The following H3-3B variants were observed in gnomAD, a reference collection of about 807,000 sequenced individuals.
H3-3B encodes histone H3.3.
Under a neutral mutation model 13.1 loss-of-function variants are expected in H3-3B, and 2 were observed. The ratio of observed to expected loss-of-function variants is 0.15; its 90% CI spans 0.06 to 0.48. The LOEUF is 0.48. Among genes scored for constraint, H3-3B ranks in the 20% least tolerant of loss-of-function variants. H3-3B has a pLI of 0.97. For synonymous variants in H3-3B, 133 were observed against 75.8 expected, an observed-to-expected ratio of 1.76 and a Z score of -3.92; for missense variants, 39 against 186.0, an observed-to-expected ratio of 0.21 and a Z score of 4.60.
rs368752239 is a variant in H3-3B, at chr17:75,779,029, T to G, written c.128+18A>C. On this transcript the variant is annotated intron_variant, in intron 2 of 3. Transcript: ENST00000254810. ...AAAGCCGGCCACCGCCGGGCCATTGTTCCCCCGCCCGACCTACCTGTAGCG... is the reference window on the plus strand; with the variant it reads ...AAAGCCGGCCACCGCCGGGCCATTGGTCCCCCGCCCGACCTACCTGTAGCG... 2 of 1,610,080 alleles carry G rather than the reference T, an allele frequency of 1.2e-6. No individual in the cohort carries two copies. Among genetic ancestry groups the G allele is most frequent in the Non-Finnish European group, 1.7e-6 (2 of 1,177,868 alleles).
chr17:75,778,816 C>T lies in H3-3B; in HGVS notation c.276G>A (p.Ala92=), dbSNP rs748127055. The T allele has an allele frequency of 1.9e-5, 30 of 1,614,076 alleles. No homozygotes were observed. The highest frequency in any genetic ancestry group is 1.5e-4 in the Admixed American group (9 of 60,016). ...DLRFQSAAIG[A]LQEASEAYLV... is the part of the protein sequence containing the mutation. ...CTCCAGGCCTTTGTCTTACCTGCAG[C>T]GCACCGATGGCTGCGCTCTGAAACC... The change falls in exon 3 of 4, where the codon GCG becomes GCA. Residue 92 remains alanine, a synonymous_variant. Coordinates refer to ENST00000254810, the MANE Select transcript of H3-3B (RefSeq NM_005324.5).
rs561174639 is a variant in H3-3B at position 75,778,570 on chromosome 17, A to G, written c.*25T>C. On this transcript the variant is annotated 3_prime_UTR_variant, in exon 4 of 4. Transcript: ENST00000254810. ...CAAAGTATTTTACAGAATTTACTAC[A>G]AAACGCCATAAAAACTGCCTTCACT... 1.2e-6 allele frequency: 2 copies of G among 1,600,836 alleles called. No homozygotes were observed. Among genetic ancestry groups the G allele is most frequent in the African/African-American group, 1.3e-5 (1 of 74,486 alleles).
chr17:75,779,248 G>A (rs879797338), intron 1 of H3-3B, 64 bp from the exon 2 acceptor site: 2 of 1,395,126 alleles, frequency 1.4e-6, no homozygotes, highest in Non-Finnish European at 1.9e-6. Context: ...AGGGCTGCGG[G>A]GGGAGGAACA....
Position 75,778,742 on chromosome 17 carries a change from G to A in H3-3B, c.283-19C>T, listed in dbSNP as rs568667779. 84 of 1,614,116 alleles carry A rather than the reference G, an allele frequency of 5.2e-5. No homozygotes were observed. The highest frequency in any genetic ancestry group is 6.7e-5 in the Admixed American group (4 of 60,020). ...TAGCCTCCTGTTGAGGACGAGAGCC[G>A]CACTATTAATCCCACTCGGGGAGCG... On this transcript the variant is annotated intron_variant, in intron 3 of 3. Transcript: ENST00000254810.
At chr17:75,779,023 C>A (rs1300874043) in intron 2 of H3-3B, 24 bp downstream of exon 2, 5 of 1,611,448 alleles carry the variant, frequency 3.1e-6, no homozygotes, top group Non-Finnish European at 3.4e-6. Context: ...CACCGCCGGG[C>A]CATTGTTCCC....
At position 75,778,262 on chromosome 17, in the gene H3-3B, C is replaced by T; in HGVS notation, c.*333G>A. The T allele has an allele frequency of 4.4e-6, 1 of 229,372 alleles. No homozygotes were observed. The highest frequency in any genetic ancestry group is 8.7e-6 in the Non-Finnish European group (1 of 114,494). 14.2% of individuals were successfully genotyped at this position (229,372 alleles called of 1,614,324 possible). ...TTAAACACTTGGATCAAGTCATAAC[C>T]AGTTTTATTGCAAAAGGACCCTGTA... is the stretch of plus-strand genomic sequence containing the variant. On this transcript the variant is annotated 3_prime_UTR_variant, in exon 4 of 4. Coordinates refer to ENST00000254810, the MANE Select transcript of H3-3B (RefSeq NM_005324.5).
chr17:75,777,500 A>T lies in H3-3B; in HGVS notation c.*1095T>A, dbSNP rs2061644197. Reference sequence around the variant, plus strand: ...ATTTGTAAATTTAGTCAACATACATAATTGACCTAAAAACTTCAGTAAATT... The same window carrying T: ...ATTTGTAAATTTAGTCAACATACATTATTGACCTAAAAACTTCAGTAAATT... On this transcript the variant is annotated 3_prime_UTR_variant, in exon 4 of 4. Coordinates refer to ENST00000254810, the MANE Select transcript of H3-3B (RefSeq NM_005324.5). 6.6e-6 allele frequency: 1 copy of T among 152,622 alleles called. No homozygotes were observed. The highest frequency in any genetic ancestry group is 1.5e-5 in the Non-Finnish European group (1 of 68,030). The allele number at this position is 152,622 out of a possible 1,614,324, so 9.5% of individuals were successfully genotyped here.
rs531494583 is a variant in H3-3B, at chr17:75,777,616, G to C, written c.*979C>G. On this transcript the variant is annotated 3_prime_UTR_variant, in exon 4 of 4. Coordinates refer to ENST00000254810, the MANE Select transcript of H3-3B (RefSeq NM_005324.5). ...TAACCCAACACCATCTTAATTGGCAGAGGTTCAGTGGGCTGGAGTTTTGTG... is the reference window on the plus strand; with the variant it reads ...TAACCCAACACCATCTTAATTGGCACAGGTTCAGTGGGCTGGAGTTTTGTG... 1 of 152,532 alleles carries C rather than the reference G, an allele frequency of 6.6e-6. No individual in the cohort carries two copies. Among genetic ancestry groups the C allele is most frequent in the Non-Finnish European group, 1.5e-5 (1 of 68,046 alleles). The allele number at this position is 152,532 out of a possible 1,614,324, so 9.4% of individuals were successfully genotyped here.
chr17:75,778,728 T>A lies in H3-3B; in HGVS notation c.283-5A>T, dbSNP rs1195242072. On this transcript the variant is annotated splice_region_variant and splice_polypyrimidine_tract_variant and intron_variant, in intron 3 of 3. Transcript: ENST00000254810. ...CAGGTACGCTTCGCTAGCCTCCTGT[T>A]GAGGACGAGAGCCGCACTATTAATC... is the stretch of plus-strand genomic sequence containing the variant. 1.8e-5 allele frequency: 29 copies of A among 1,614,034 alleles called. No individual in the cohort carries two copies. Among genetic ancestry groups the A allele is most frequent in the Admixed American group, 1.3e-4 (8 of 59,998 alleles).
chr17:75,777,889 T>C lies in H3-3B; in HGVS notation c.*706A>G, dbSNP rs1275809804. 5.3e-5 allele frequency: 8 copies of C among 151,856 alleles called. No homozygotes were observed. Among genetic ancestry groups the C allele is most frequent in the Non-Finnish European group, 1.5e-5 (1 of 68,018 alleles). 9.4% of individuals were successfully genotyped at this position (151,856 alleles called of 1,614,324 possible). ...TGCATTATCAGCTAGAGGGTTAACATGTGGTAGAATGAGGACTTATGCAAG... is the reference window on the plus strand; with the variant it reads ...TGCATTATCAGCTAGAGGGTTAACACGTGGTAGAATGAGGACTTATGCAAG... On this transcript the variant is annotated 3_prime_UTR_variant, in exon 4 of 4. Transcript: ENST00000254810.
At position 75,778,795 on chromosome 17, in the gene H3-3B, A is replaced by G; in HGVS notation, c.282+15T>C. 1 of 1,614,100 alleles carries G rather than the reference A, an allele frequency of 6.2e-7. No individual in the cohort carries two copies. Among genetic ancestry groups the G allele is most frequent in the Non-Finnish European group, 8.5e-7 (1 of 1,179,996 alleles). On this transcript the variant is annotated intron_variant, in intron 3 of 3. Coordinates refer to ENST00000254810, the MANE Select transcript of H3-3B (RefSeq NM_005324.5). ...AACCGCCCAGCCCTCCCCCGGCTCC[A>G]GGCCTTTGTCTTACCTGCAGCGCAC...
chr17:75,778,779 G>A (rs372771522), intron 3 of H3-3B, 31 bp downstream of exon 3: 13 of 1,614,006 alleles, frequency 8.1e-6, no homozygotes, highest in African/African-American at 1.3e-5. Context: ...AAACCGCCCA[G>A]CCCTCCCCCG....
chr17:75,777,206 C>CG lies in H3-3B; in HGVS notation c.*1388dup, dbSNP rs2061642442. On this transcript the variant is annotated 3_prime_UTR_variant, in exon 4 of 4. Transcript: ENST00000254810. Reference sequence around the variant, plus strand: ...ACCTGTGGGCTTCTACACTACGGAACGGGAGTGGGGGGGCTGAAAAGCTTA... The same window carrying CG: ...ACCTGTGGGCTTCTACACTACGGAACGGGGAGTGGGGGGGCTGAAAAGCTTA... The CG allele has an allele frequency of 6.6e-6, 1 of 150,934 alleles. No individual in the cohort carries two copies. Among genetic ancestry groups the CG allele is most frequent in the African/African-American group, 2.5e-5 (1 of 40,536 alleles). 9.3% of individuals were successfully genotyped at this position (150,934 alleles called of 1,614,324 possible).
At position 75,778,322 on chromosome 17, in the gene H3-3B, C is replaced by G; in HGVS notation, c.*273G>C. ...CAACTCTAGTACCTTAATAGCTACC[C>G]AACAAGTCATTAACATACAGAAACA... On this transcript the variant is annotated 3_prime_UTR_variant, in exon 4 of 4. Coordinates refer to ENST00000254810, the MANE Select transcript of H3-3B (RefSeq NM_005324.5). 4.4e-6 allele frequency: 2 copies of G among 449,666 alleles called. No individual in the cohort carries two copies. Among genetic ancestry groups the G allele is most frequent in the South Asian group, 5.1e-5 (2 of 38,856 alleles). The allele number at this position is 449,666 out of a possible 1,614,324, so 27.9% of individuals were successfully genotyped here. A position where few individuals can be genotyped will look rare whatever the true frequency, so the allele number is the denominator to read the frequency against.
rs1474543999 is a variant in H3-3B at position 75,776,476 on chromosome 17, T to C, written c.*2119A>G. 1 of 152,190 alleles carries C rather than the reference T, an allele frequency of 6.6e-6. No individual in the cohort carries two copies. Among genetic ancestry groups the C allele is most frequent in the Admixed American group, 6.6e-5 (1 of 15,260 alleles). The allele number at this position is 152,190 out of a possible 1,614,324, so 9.4% of individuals were successfully genotyped here. A position where few individuals can be genotyped will look rare whatever the true frequency, so the allele number is the denominator to read the frequency against. On this transcript the variant is annotated 3_prime_UTR_variant, in exon 4 of 4. Transcript: ENST00000254810. ...ATTTTAGTCTCATCCATCAAGGGCATAGGATACCTGCATCAGCTGCAACTT... is the reference window on the plus strand; with the variant it reads ...ATTTTAGTCTCATCCATCAAGGGCACAGGATACCTGCATCAGCTGCAACTT...
chr17:75,779,394 G>T, intron 1 of H3-3B: 3 of 413,946 alleles, frequency 7.2e-6, no homozygotes, highest in Non-Finnish European at 1.2e-5. Flanking sequence ...CCGGGAGGGG[G>T]AGCGCGGGGA....
Position 75,779,192 on chromosome 17 carries a change from A to G in H3-3B, c.-10-8T>C. On this transcript the variant is annotated splice_region_variant and splice_polypyrimidine_tract_variant and intron_variant, in intron 1 of 3. Coordinates refer to ENST00000254810, the MANE Select transcript of H3-3B (RefSeq NM_005324.5). Reference sequence around the variant, plus strand: ...CGGGCCATTTTCTTTCACCTAAGAAAGACGCCCCGAAGATAAGGCCGCCGC... The same window carrying G: ...CGGGCCATTTTCTTTCACCTAAGAAGGACGCCCCGAAGATAAGGCCGCCGC... 6.7e-7 allele frequency: 1 copy of G among 1,487,140 alleles called. No individual in the cohort carries two copies. Among genetic ancestry groups the G allele is most frequent in the Non-Finnish European group, 8.9e-7 (1 of 1,119,862 alleles). 92.1% of individuals were successfully genotyped at this position (1,487,140 alleles called of 1,614,324 possible).
chr17:75,779,139 G>T lies in H3-3B; in HGVS notation c.36C>A (p.Thr12=), dbSNP rs188695621. Residue 12 remains threonine (T), a synonymous_variant, in exon 2 of 4, where the codon ACC becomes ACA. Transcript: ENST00000254810. ...GCTGTTTGCGGGGGGCTTTCCCACC[G>T]GTGGACTTACGAGCAGTCTGCTTGG... ...ARTKQTARKS[T]GGKAPRKQLA... is the part of the protein sequence containing the mutation. The T allele has an allele frequency of 6.3e-7, 1 of 1,596,916 alleles. No homozygotes were observed. The highest frequency in any genetic ancestry group is 8.5e-7 in the Non-Finnish European group (1 of 1,173,772).
At chr17:75,779,210 G>A (rs780933387) in intron 1 of H3-3B, 26 bp from the exon 2 acceptor site, 19 of 1,462,326 alleles carry the variant, frequency 1.3e-5, no homozygotes, top group East Asian at 2.6e-5. Context: ...CGAAGATAAG[G>A]CCGCCGCGCT....
Sources: allele counts gnomAD v4.1 joint callset, GRCh38; gene constraint gnomAD v4.1.1; transcripts MANE v1.5; gene names NCBI Gene and HGNC (gene_info 2026-07-23, HGNC 2026-07-21).